The following PRDM5 variants were observed in gnomAD, a reference collection of about 807,000 sequenced individuals.
The protein encoded by PRDM5 is PR/SET domain 5, also known as PR domain zinc finger protein 5.
A neutral mutation model predicts 81.2 loss-of-function variants in PRDM5; 56 were observed. The observed-to-expected ratio is 0.69, with a 90% CI of 0.56 to 0.86. PRDM5 has a LOEUF of 0.86. PRDM5 is among the 40% of genes least tolerant of loss of function. The probability of loss-of-function intolerance (pLI) is 0.00; values close to 1 mark genes in which losing one functional copy is unlikely to be tolerated. For missense variants in PRDM5, 697 were observed against 770.1 expected (o/e 0.91, Z 1.12); for synonymous variants, 267 against 256.4 (o/e 1.04, Z -0.39).
chr4:120,768,740 T>G (rs1470107132), intron 13 of PRDM5, among the ~76,000 whole-genome samples: 1 of 152,220 alleles, frequency 6.6e-6, no homozygotes, highest in Non-Finnish European at 1.5e-5. Flanking sequence ...TTCTTTCTAA[T>G]GAGAAACTTT....
At chr4:120,847,645 T>C (rs546487726) in intron 3 of PRDM5, among the ~76,000 whole-genome samples, 1 of 152,202 alleles carries the variant, frequency 6.6e-6, no homozygotes, top group Non-Finnish European at 1.5e-5. Flanking sequence ...ATGTTTGTTA[T>C]TTTAAGCTGT....
At chr4:120,788,153 T>C (rs1283018239) in intron 10 of PRDM5, among the ~76,000 whole-genome samples, 4 of 152,118 alleles carry the variant, frequency 2.6e-5, no homozygotes, top group Non-Finnish European at 5.9e-5. Context: ...TGACAAATTT[T>C]TGCAAAAACT....
intron 14 of PRDM5, among the ~76,000 whole-genome samples, chr4:120,712,719 G>A (rs1737187992): frequency 6.6e-6 from 1 of 152,056 alleles, no homozygotes; most frequent in African/African-American, 2.4e-5. Flanking sequence ...CTTTATCATT[G>A]TTCAACATTA....
chr4:120,841,921 G>C (rs1035344651), intron 3 of PRDM5, among the ~76,000 whole-genome samples: 5 of 152,054 alleles, frequency 3.3e-5, no homozygotes, highest in African/African-American at 9.7e-5. Flanking sequence ...AGTATATTTA[G>C]TGCAATATTG....
intron 14 of PRDM5, among the ~76,000 whole-genome samples, chr4:120,751,696 A>G (rs1487114213): frequency 1.3e-5 from 2 of 152,238 alleles, no homozygotes; most frequent in Non-Finnish European, 2.9e-5. Flanking sequence ...TGAAAGGTCA[A>G]TGATTAATTG....
intron 7 of PRDM5, among the ~76,000 whole-genome samples, chr4:120,812,125 A>T (rs1753929123): frequency 6.6e-6 from 1 of 152,112 alleles, no homozygotes; most frequent in Non-Finnish European, 1.5e-5. Context: ...AGCACATGTG[A>T]AATTTGTGCA....
chr4:120,745,895 C>A (rs1742918245), intron 14 of PRDM5, among the ~76,000 whole-genome samples: 1 of 148,984 alleles, frequency 6.7e-6, no homozygotes, highest in South Asian at 2.1e-4. Context: ...CCCCATCAAG[C>A]TACCAATGCC....
At chr4:120,808,227 T>A (rs1006280484) in intron 8 of PRDM5, among the ~76,000 whole-genome samples, 3 of 152,174 alleles carry the variant, frequency 2.0e-5, no homozygotes, top group Non-Finnish European at 1.5e-5. Flanking sequence ...TGGTCCATTT[T>A]ACAGAGAGCT....
At chr4:120,716,168 T>A (rs11736461) in intron 14 of PRDM5, among the ~76,000 whole-genome samples, 7,855 of 152,278 alleles carry the variant, frequency 0.052, 275 homozygotes, top group East Asian at 0.1. Context: ...TTTTCACATG[T>A]TTATACATGC....
intron 10 of PRDM5, among the ~76,000 whole-genome samples, chr4:120,786,683 A>C (rs1320456901): frequency 6.6e-6 from 1 of 152,206 alleles, no homozygotes; most frequent in East Asian, 1.9e-4. Flanking sequence ...TTGAGTCTGG[A>C]AAGGCTTTCC....
intron 14 of PRDM5, among the ~76,000 whole-genome samples, chr4:120,735,722 G>A (rs1021507045): frequency 2.0e-5 from 3 of 152,184 alleles, no homozygotes; most frequent in Admixed American, 6.5e-5. Context: ...TTCTCAAGAC[G>A]ATGACTGGGG....
chr4:120,748,040 C>A (rs1743403134), intron 14 of PRDM5, among the ~76,000 whole-genome samples: 1 of 152,172 alleles, frequency 6.6e-6, no homozygotes, highest in Non-Finnish European at 1.5e-5. Flanking sequence ...GAGCTTGTGT[C>A]CTAACTCAAT....
At chr4:120,824,790 C>T (rs1013241752) in intron 3 of PRDM5, among the ~76,000 whole-genome samples, 1 of 151,950 alleles carries the variant, frequency 6.6e-6, no homozygotes, top group Non-Finnish European at 1.5e-5. Context: ...GGTTTTAAAA[C>T]ATTTATCAAA....
chr4:120,710,216 CACAG>C, intron 15 of PRDM5, 89 bp downstream of exon 15: 6 of 1,059,122 alleles, frequency 5.7e-6, no homozygotes, highest in Non-Finnish European at 7.1e-6. Flanking sequence ...AACACACACA[CACAG>C]ACACACACAC....
chr4:120,797,038 T>A (rs777460427), intron 10 of PRDM5, among the ~76,000 whole-genome samples: 29 of 152,198 alleles, frequency 1.9e-4, no homozygotes, highest in Non-Finnish European at 4.3e-4. Context: ...GCATGATGTA[T>A]TATCTACATG....
chr4:120,751,684 C>CA (rs1744032515), intron 14 of PRDM5, among the ~76,000 whole-genome samples: 1 of 152,198 alleles, frequency 6.6e-6, no homozygotes, highest in African/African-American at 2.4e-5. Context: ...CTGGTCTCTC[C>CA]ATGAAAGGTC....
At chr4:120,876,806 A>T (rs1184185598) in intron 2 of PRDM5, among the ~76,000 whole-genome samples, 1 of 152,232 alleles carries the variant, frequency 6.6e-6, no homozygotes. Context: ...TAGAAAAATA[A>T]AAACCACCTT....
intron 2 of PRDM5, among the ~76,000 whole-genome samples, chr4:120,865,653 A>G (rs1761123946): frequency 6.6e-6 from 1 of 152,192 alleles, no homozygotes; most frequent in South Asian, 2.1e-4. Flanking sequence ...ATCTCTGCCA[A>G]CTGGCACTCC....
At chr4:120,877,996 T>C (rs955629483) in intron 2 of PRDM5, among the ~76,000 whole-genome samples, 1 of 152,210 alleles carries the variant, frequency 6.6e-6, no homozygotes, top group African/African-American at 2.4e-5. Context: ...GTTTTCAGAT[T>C]GGAAGTCAGT....
Sources: allele counts gnomAD v4.1 joint callset (sites outside exome capture counted in the v4.1 genomes callset), GRCh38; gene constraint gnomAD v4.1.1; transcripts MANE v1.5; gene names NCBI Gene and HGNC (gene_info 2026-07-23, HGNC 2026-07-21).